Variants in GRM5 observed in about 807,000 individuals in gnomAD.
The protein encoded by GRM5 is metabotropic glutamate receptor 5.
A neutral mutation model predicts 83.1 loss-of-function variants in GRM5; 19 were observed. The ratio of observed to expected loss-of-function variants is 0.23; its 90% CI spans 0.16 to 0.34. GRM5 has a LOEUF of 0.34. Among genes scored for constraint, GRM5 ranks in the 10% least tolerant of loss-of-function variants. The pLI, the probability that GRM5 is intolerant of heterozygous loss-of-function variation, is 1.00. For missense variants in GRM5, 1,160 were observed against 1,588.3 expected, an observed-to-expected ratio of 0.73 and a Z score of 4.58; for synonymous variants, 675 against 633.6, an observed-to-expected ratio of 1.07 and a Z score of -0.98.
chr11:88,749,827 A>T (rs930766078), intron 3 of GRM5, among the ~76,000 whole-genome samples: 2 of 152,194 alleles, frequency 1.3e-5, no homozygotes, highest in African/African-American at 4.8e-5. Context: ...CCAGAGTTTC[A>T]TATCTGGACA....
chr11:88,728,304 T>A (rs117587417), intron 3 of GRM5, among the ~76,000 whole-genome samples: 6,572 of 151,508 alleles, frequency 0.043, 153 homozygotes, highest in Middle Eastern at 0.071. Flanking sequence ...GGACACATAC[T>A]CCCTCCCAAG....
At chr11:88,781,549 C>CTGAT (rs2135463468) in intron 3 of GRM5, among the ~76,000 whole-genome samples, 1 of 152,210 alleles carries the variant, frequency 6.6e-6, no homozygotes, top group African/African-American at 2.4e-5. Context: ...TCCAGGCAGG[C>CTGAT]TGATTGTCCT....
chr11:88,794,785 T>C (rs546577891), intron 3 of GRM5, among the ~76,000 whole-genome samples: 7 of 152,352 alleles, frequency 4.6e-5, no homozygotes, highest in African/African-American at 1.7e-4. Flanking sequence ...GGTTACTTTG[T>C]CTGCTTGGAT....
At chr11:88,544,716 T>C (rs1195758135) in intron 8 of GRM5, among the ~76,000 whole-genome samples, 1 of 152,310 alleles carries the variant, frequency 6.6e-6, no homozygotes, top group African/African-American at 2.4e-5. Context: ...TGTGTGGCTA[T>C]ATAATGCAGT....
rs117336130 is a variant in GRM5 at position 88,609,750 on chromosome 11, G to A, written c.1148-4786C>T. On this transcript the variant is annotated intron_variant, in intron 4 of 9. Coordinates refer to ENST00000305447, the MANE Select transcript of GRM5 (RefSeq NM_001143831.3). ...CCCTTTGCTTAATTAGGTTCTATGC[G>A]TCAATTTTTGTTTTTGTTGCAATTG... 5.2e-3 allele frequency among the ~76,000 whole-genome samples: 791 copies of A among 152,170 alleles called. 12 individuals are homozygous for A. In the East Asian group the frequency reaches 0.065, roughly 13 times the overall value.
chr11:88,508,827 G>C lies in GRM5; in HGVS notation c.3404C>G (p.Ala1135Gly). 1 of 1,537,088 alleles carries C rather than the reference G, an allele frequency of 6.5e-7. No individual in the cohort carries two copies. Among genetic ancestry groups the C allele is most frequent in the Non-Finnish European group, 8.8e-7 (1 of 1,142,166 alleles). ...GGAQPAAGAQAAGDAARESPA... is the reference protein window; with the variant it reads ...GGAQPAAGAQGAGDAARESPA... ...GCTCTCCCGGGCCGCGTCCCCAGCC[G>C]CCTGCGCCCCTGCCGCGGGCTGCGC... Residue 1135 changes from alanine to glycine, a missense_variant, in exon 10 of 10, where the codon GCG becomes GGG. Physicochemically the swap from Ala to Gly is moderately conservative, Grantham distance 60 (BLOSUM62 0). Around this residue, in one of 9 missense-constraint regions of GRM5, gnomAD observed 562 missense variants for 532.4 expected, o/e 1.06. Transcript: ENST00000305447. The surrounding 1 kb of genome is among the most constrained non-coding windows in gnomAD (Gnocchi z 4.2).
chr11:88,635,040 A>C (rs12797757), intron 4 of GRM5, among the ~76,000 whole-genome samples: 18,700 of 152,190 alleles, frequency 0.12, 1,491 homozygotes, highest in Middle Eastern at 0.19. Context: ...CGTGGATATA[A>C]AAATTTTTCA....
chr11:88,969,250 A>G (rs1002031602), intron 2 of GRM5, among the ~76,000 whole-genome samples: 22 of 152,180 alleles, frequency 1.4e-4, no homozygotes, highest in African/African-American at 5.1e-4. Flanking sequence ...GATTATATAT[A>G]TATGTATATA....
Position 88,509,255 on chromosome 11 carries a change from G to C in GRM5, c.2976C>G (p.Ser992=). 1 of 1,488,968 alleles carries C rather than the reference G, an allele frequency of 6.7e-7. No individual in the cohort carries two copies. Among genetic ancestry groups the C allele is most frequent in the Non-Finnish European group, 8.9e-7 (1 of 1,122,840 alleles). 92.2% of individuals were successfully genotyped at this position (1,488,968 alleles called of 1,614,324 possible). A position where few individuals can be genotyped will look rare whatever the true frequency, so the allele number is the denominator to read the frequency against. The stretch of plus-strand genomic sequence containing the variant: ...ACAGCGCCTTGGGGCCGGCGTCTGG[G>C]GACTCGGGCCCGCCTGGGCCGGCGC... The part of the protein sequence containing the change: ...CAGAGPGGPE[S]PDAGPKALYD... Residue 992 remains serine, a synonymous_variant, in exon 10 of 10, where the codon TCC becomes TCG. Transcript: ENST00000305447.
At chr11:88,805,707 T>A (rs1169696083) in intron 3 of GRM5, among the ~76,000 whole-genome samples, 1 of 152,190 alleles carries the variant, frequency 6.6e-6, no homozygotes, top group Non-Finnish European at 1.5e-5. Context: ...GTCTTATGGT[T>A]AATGTTTTGT....
At chr11:88,511,397 T>G (rs2135078564) in intron 9 of GRM5, among the ~76,000 whole-genome samples, 2 of 152,366 alleles carry the variant, frequency 1.3e-5, no homozygotes, top group Middle Eastern at 6.8e-3. Context: ...CTGCATCCCC[T>G]TTAATGACAT....
chr11:88,708,084 T>A (rs1283046703), intron 3 of GRM5, among the ~76,000 whole-genome samples: 1 of 152,110 alleles, frequency 6.6e-6, no homozygotes, highest in Non-Finnish European at 1.5e-5. Flanking sequence ...AAACACTATG[T>A]CACTACTATA....
intron 4 of GRM5, among the ~76,000 whole-genome samples, chr11:88,617,564 C>A (rs938634873): frequency 6.6e-6 from 1 of 152,134 alleles, no homozygotes. Context: ...GGAGAAAATT[C>A]TATTTTTGTT....
In GRM5 at chr11:88,567,261, G is replaced by A; in HGVS notation, c.2422C>T (p.Leu808Phe). The change falls in exon 8 of 10, where the codon CTC becomes TTC. Residue 808 changes from leucine to phenylalanine, a missense_variant. This residue lies in a region of GRM5 where 66 missense variants were observed against 138.6 expected (regional missense o/e 0.48). Transcript: ENST00000305447. The surrounding 1 kb of genome is among the most constrained non-coding windows in gnomAD (Gnocchi z 7.3). ...CAGCCTAGGGCCACTGTGGCACTGA[G>A]GCTGACCGAGAAACACATGGTGATG... Reference protein sequence around the residue: ...KIITMCFSVSLSATVALGCMF... With the variant: ...KIITMCFSVSFSATVALGCMF... 6.2e-7 allele frequency: 1 copy of A among 1,614,020 alleles called. No homozygotes were observed.
Position 88,648,059 on chromosome 11 carries a change from C to G in GRM5, c.1147+5109G>C, listed in dbSNP as rs200255768. 0.011 allele frequency among the ~76,000 whole-genome samples: 1,617 copies of G among 152,042 alleles called. 48 individuals are homozygous for G. The East Asian group carries it at 0.12, about 11-fold the overall frequency. On this transcript the variant is annotated intron_variant, in intron 4 of 9. Coordinates refer to ENST00000305447, the MANE Select transcript of GRM5 (RefSeq NM_001143831.3). ...GAACACTTTTACACTGTTGGTGGGA[C>G]TGTAAACTAGTTCAACCATTGTGGA... is the stretch of plus-strand genomic sequence containing the variant.
chr11:88,999,609 GA>G (rs1940303445), intron 2 of GRM5, among the ~76,000 whole-genome samples: 1 of 152,082 alleles, frequency 6.6e-6, no homozygotes, highest in South Asian at 2.1e-4. Flanking sequence ...AGAGGATGTG[GA>G]AAAATAGGAA....
At chr11:89,041,348 A>G (rs571588606) in intron 2 of GRM5, among the ~76,000 whole-genome samples, 28 of 152,348 alleles carry the variant, frequency 1.8e-4, no homozygotes, top group South Asian at 1.2e-3. Flanking sequence ...CATCCTGGAC[A>G]TGGAGTATTT....
chr11:88,876,551 G>A (rs982348538), intron 2 of GRM5, among the ~76,000 whole-genome samples: 1 of 152,074 alleles, frequency 6.6e-6, no homozygotes. Context: ...GCCTAGACTG[G>A]TTAGTGTATC....
chr11:89,035,792 G>C (rs1941370444), intron 2 of GRM5, among the ~76,000 whole-genome samples: 1 of 151,982 alleles, frequency 6.6e-6, no homozygotes, highest in African/African-American at 2.4e-5. Context: ...CAATCTGGCA[G>C]AGCATTTAAT....
Sources: allele counts gnomAD v4.1 joint callset (sites outside exome capture counted in the v4.1 genomes callset), GRCh38; gene constraint gnomAD v4.1.1; regional missense constraint gnomAD v4.1.1; non-coding constraint Gnocchi (gnomAD v3.1); transcripts MANE v1.5; gene names NCBI Gene and HGNC (gene_info 2026-07-23, HGNC 2026-07-21).